The following ARHGEF18 variants were observed in gnomAD, a reference collection of about 807,000 sequenced individuals.
ARHGEF18 encodes rho guanine nucleotide exchange factor 18.
ARHGEF18 carries 93 observed loss-of-function variants against 155.7 expected under a neutral mutation model. That is an observed-to-expected ratio of 0.60 (90% CI 0.50 to 0.71). The LOEUF (loss-of-function observed/expected upper bound fraction) is 0.71, where lower values mean the gene tolerates loss of function less well. Ranked by LOEUF, ARHGEF18 falls within the 30% of genes least tolerant of loss-of-function variation. The pLI, the probability that ARHGEF18 is intolerant of heterozygous loss-of-function variation, is 0.00. For synonymous variants in ARHGEF18, 742 were observed against 753.1 expected, an observed-to-expected ratio of 0.99 and a Z score of 0.24; for missense variants, 1,593 against 1,816.1, an observed-to-expected ratio of 0.88 and a Z score of 2.23.
chr19:7,443,252 T>C (rs1041315073), intron 13 of ARHGEF18, among the ~76,000 whole-genome samples: 35 of 152,040 alleles, frequency 2.3e-4, no homozygotes, highest in Non-Finnish European at 4.4e-5. Flanking sequence ...AGGCGGTGTT[T>C]CACCATGTTG....
chr19:7,427,027 G>A (rs986266768), intron 10 of ARHGEF18, among the ~76,000 whole-genome samples: 19 of 152,150 alleles, frequency 1.2e-4, no homozygotes, highest in African/African-American at 4.3e-4. Flanking sequence ...GGGGTTAGAG[G>A]TGACCCTGGC....
chr19:7,432,868 G>A (rs1373777657), intron 10 of ARHGEF18, among the ~76,000 whole-genome samples: 5 of 152,210 alleles, frequency 3.3e-5, no homozygotes, highest in African/African-American at 1.2e-4. Context: ...CACTTAATAT[G>A]TCATATCAGG....
intron 16 of ARHGEF18, among the ~76,000 whole-genome samples, chr19:7,452,836 A>G (rs1279531513): frequency 1.3e-5 from 2 of 151,818 alleles, no homozygotes; most frequent in African/African-American, 2.4e-5. Context: ...AGAGCTAGTC[A>G]TGGCAGTTTT....
At chr19:7,437,203 T>C (rs1270807746) in intron 10 of ARHGEF18, among the ~76,000 whole-genome samples, 1 of 151,830 alleles carries the variant, frequency 6.6e-6, no homozygotes, top group Non-Finnish European at 1.5e-5. Context: ...CCGAGGTGGG[T>C]GGATCACCTG....
In ARHGEF18 at chr19:7,453,497, A is replaced by G; in HGVS notation, c.1886A>G (p.Gln629Arg). ...ACTGAGGACTATGAAGACCTGACCCAGGCCTTGAACCTCATCAAAGATATC... is the reference window on the plus strand; with the variant it reads ...ACTGAGGACTATGAAGACCTGACCCGGGCCTTGAACCTCATCAAAGATATC... ...AGTEDYEDLT[Q>R]ALNLIKDIIS... The change falls in exon 17 of 29, where the codon CAG becomes CGG. Residue 629 changes from glutamine (Q) to arginine (R), a missense_variant. Physicochemically the swap from Gln to Arg is conservative, Grantham distance 43. Coordinates refer to ENST00000668164, the MANE Select transcript of ARHGEF18 (RefSeq NM_001367823.1). The G allele has an allele frequency of 1.2e-6, 2 of 1,611,904 alleles. No individual in the cohort carries two copies. The highest frequency in any genetic ancestry group is 1.7e-6 in the Non-Finnish European group (2 of 1,178,322).
intron 2 of ARHGEF18, among the ~76,000 whole-genome samples, chr19:7,365,118 G>C (rs568584921): frequency 6.6e-6 from 1 of 152,178 alleles, no homozygotes; most frequent in Non-Finnish European, 1.5e-5. Context: ...ACACTGAGGG[G>C]CTGGGCATGG....
At chr19:7,376,892 G>A in intron 5 of ARHGEF18, 135 bp downstream of exon 5, 2 of 580,954 alleles carry the variant, frequency 3.4e-6, no homozygotes, top group East Asian at 7.0e-5. Flanking sequence ...TGGGCCCCAG[G>A]GAAGGGAAGG....
At chr19:7,451,290 G>T (rs62109836) in intron 16 of ARHGEF18, 24 bp downstream of exon 16, 76,124 of 1,600,956 alleles carry the variant, frequency 0.048, 2,165 homozygotes, top group South Asian at 0.075. Context: ...CCACTGCCCC[G>T]CCCGCCCGTG....
rs200938311 is a variant in ARHGEF18, at chr19:7,385,839, C to CTA, written c.967+2637_967+2638insAT. Among the ~76,000 whole-genome samples, 731 of 90,516 alleles carry CTA rather than the reference C, an allele frequency of 8.1e-3. 46 individuals carry two copies. The highest frequency in any genetic ancestry group is 0.042 in the African/African-American group (654 of 15,630). 59.4% of individuals were successfully genotyped at this position (90,516 alleles called of 152,430 possible). A position where few individuals can be genotyped will look rare whatever the true frequency, so the allele number is the denominator to read the frequency against. On this transcript the variant is annotated intron_variant, in intron 10 of 28. Transcript: ENST00000668164. Reference sequence around the variant, plus strand: ...ATAGGATCTATCTCTCTCTATCTCTCTCTCTCTCTCTCTCTCTCTCTCTCT... The same window carrying CTA: ...ATAGGATCTATCTCTCTCTATCTCTCTATCTCTCTCTCTCTCTCTCTCTCTCT...
At chr19:7,468,257 A>AG (rs1976788830) in intron 26 of ARHGEF18, among the ~76,000 whole-genome samples, 1 of 151,516 alleles carries the variant, frequency 6.6e-6, no homozygotes, top group Non-Finnish European at 1.5e-5. Context: ...TCTCAAAAAA[A>AG]AAAAAAAAAT....
chr19:7,394,122 C>T (rs1012340838), intron 10 of ARHGEF18, among the ~76,000 whole-genome samples: 1 of 151,626 alleles, frequency 6.6e-6, no homozygotes, highest in Non-Finnish European at 1.5e-5. Flanking sequence ...AGGCTCAAGT[C>T]ATCCTCCCAC....
At chr19:7,383,499 C>T in intron 10 of ARHGEF18, 1 of 397,496 alleles carries the variant, frequency 2.5e-6, no homozygotes, top group Non-Finnish European at 4.4e-6. Flanking sequence ...TGACAAAGTA[C>T]CATGCACCAG....
chr19:7,352,039 T>A (rs1253734296), intron 1 of ARHGEF18, among the ~76,000 whole-genome samples: 2 of 152,098 alleles, frequency 1.3e-5, no homozygotes, highest in Non-Finnish European at 2.9e-5. Flanking sequence ...GTAGGGCTGT[T>A]GCTATTGTCT....
At chr19:7,419,404 C>T (rs1216177341) in intron 10 of ARHGEF18, among the ~76,000 whole-genome samples, 1 of 150,854 alleles carries the variant, frequency 6.6e-6, no homozygotes, top group East Asian at 2.0e-4. Context: ...ACACTCAGCC[C>T]CTACAACCCA....
At chr19:7,385,140 G>A (rs1568285019) in intron 10 of ARHGEF18, among the ~76,000 whole-genome samples, 2 of 152,204 alleles carry the variant, frequency 1.3e-5, no homozygotes, top group Non-Finnish European at 2.9e-5. Flanking sequence ...TCAGATGCAA[G>A]GGGCAGATAG....
chr19:7,376,534 C>T (rs556668577), intron 4 of ARHGEF18, 109 bp from the exon 5 acceptor site: 332 of 558,948 alleles, frequency 5.9e-4, no homozygotes, highest in Non-Finnish European at 8.1e-4. Flanking sequence ...GTGTGTCACC[C>T]CATTTCTGTG....
intron 5 of ARHGEF18, 78 bp downstream of exon 5, chr19:7,376,835 G>A: frequency 9.8e-7 from 1 of 1,020,220 alleles, no homozygotes; most frequent in Non-Finnish European, 1.3e-6. Context: ...AAACCCTGTT[G>A]GGGTTTCATC....
Position 7,379,132 on chromosome 19 carries a change from C to T in ARHGEF18, c.610C>T (p.Gln204Ter). 8.1e-7 allele frequency: 1 copy of T among 1,232,454 alleles called. No individual in the cohort carries two copies. Among genetic ancestry groups the T allele is most frequent in the African/African-American group, 1.5e-5 (1 of 64,532 alleles). The allele number at this position is 1,232,454 out of a possible 1,614,324, so 76.3% of individuals were successfully genotyped here. A position where few individuals can be genotyped will look rare whatever the true frequency, so the allele number is the denominator to read the frequency against. Residue 204 changes from glutamine to a stop codon, truncating the protein, a stop_gained, in exon 7 of 29, where the codon CAG (glutamine) becomes TAG (stop). Coordinates refer to ENST00000668164, the MANE Select transcript of ARHGEF18 (RefSeq NM_001367823.1). LOFTEE classifies it high-confidence loss of function. Reference protein sequence around the residue: ...HVEPDHVLIVQQVLQELRQYH... With the variant: ...HVEPDHVLIV The stretch of plus-strand genomic sequence containing the variant: ...CCTCCACCCCCACAGGCTGATTGTC[C>T]AGCAGGTGCTTCAAGAACTTCGACA...
intron 23 of ARHGEF18, 85 bp from the exon 24 acceptor site, chr19:7,466,833 A>AAAAAAGGAAG (rs2145907616): frequency 8.6e-6 from 9 of 1,051,446 alleles, no homozygotes; most frequent in South Asian, 3.0e-5. Flanking sequence ...AAAAGTTAAA[A>AAAAAAGGAAG]AAAAAGAAGA....
Sources: allele counts gnomAD v4.1 joint callset (sites outside exome capture counted in the v4.1 genomes callset), GRCh38; gene constraint gnomAD v4.1.1; transcripts MANE v1.5; gene names NCBI Gene and HGNC (gene_info 2026-07-23, HGNC 2026-07-21).